Variants in PARVA observed in about 807,000 individuals in gnomAD.
The protein encoded by PARVA is parvin alpha, also known as alpha-parvin.
In PARVA, 25 loss-of-function variants were observed where a neutral mutation model predicts 52.6. The ratio of observed to expected loss-of-function variants is 0.48; its 90% CI spans 0.35 to 0.66. PARVA has a LOEUF of 0.66. Ranked by LOEUF, PARVA falls within the 30% of genes least tolerant of loss-of-function variation. The pLI is 0.01. For synonymous variants in PARVA, 185 were observed against 179.1 expected (o/e 1.03, Z -0.26); for missense variants, 373 against 450.9 (o/e 0.83, Z 1.56).
intron 1 of PARVA, among the ~76,000 whole-genome samples, chr11:12,415,233 G>A (rs751549945): frequency 7.8e-4 from 118 of 152,188 alleles, no homozygotes; most frequent in Non-Finnish European, 1.4e-3. Flanking sequence ...ACATTATGAG[G>A]CTCATGGGAG....
intron 1 of PARVA, among the ~76,000 whole-genome samples, chr11:12,444,411 T>C (rs1436878201): frequency 6.6e-6 from 1 of 152,166 alleles, no homozygotes; most frequent in African/African-American, 2.4e-5. Context: ...AATCCTTATG[T>C]ATAATACTCA....
intron 4 of PARVA, among the ~76,000 whole-genome samples, chr11:12,483,561 G>A (rs186530767): frequency 1.3e-5 from 2 of 152,162 alleles, no homozygotes; most frequent in Non-Finnish European, 2.9e-5. Context: ...AGGGTGACCT[G>A]TGCAGGAAAT....
intron 1 of PARVA, among the ~76,000 whole-genome samples, chr11:12,398,523 G>A (rs899057965): frequency 6.7e-6 from 1 of 149,482 alleles, no homozygotes; most frequent in Admixed American, 6.6e-5. Context: ...TGAGACACAG[G>A]GCATTTCTAC....
At position 12,533,013 on chromosome 11, in the gene PARVA, G is replaced by A. The variant is rs951162670; in HGVS notation, c.*5088G>A. On this transcript the variant is annotated 3_prime_UTR_variant, in exon 13 of 13. Transcript: ENST00000334956. ...TCATGTCATACCATGGTCCTGGCTG[G>A]GGAGCGGAGGAGACCAGGAGAGGAG... 6.6e-6 allele frequency among the ~76,000 whole-genome samples: 1 copy of A among 152,178 alleles called. No individual in the cohort carries two copies. Among genetic ancestry groups the A allele is most frequent in the Non-Finnish European group, 1.5e-5 (1 of 68,020 alleles).
chr11:12,456,184 G>A (rs755694115), intron 1 of PARVA, among the ~76,000 whole-genome samples: 9 of 152,204 alleles, frequency 5.9e-5, no homozygotes, highest in Non-Finnish European at 1.3e-4. Flanking sequence ...TTGTTGGCAT[G>A]TACTGAGAAA....
chr11:12,410,067 A>G (rs1589946911), intron 1 of PARVA, among the ~76,000 whole-genome samples: 1 of 152,172 alleles, frequency 6.6e-6, no homozygotes, highest in Non-Finnish European at 1.5e-5. Context: ...GGTGGCACAT[A>G]GTAGCCTCTC....
chr11:12,451,176 C>T (rs774001067), intron 1 of PARVA, among the ~76,000 whole-genome samples: 1 of 152,200 alleles, frequency 6.6e-6, no homozygotes, highest in Admixed American at 6.5e-5. Flanking sequence ...AAAACTGCCC[C>T]ATGAGAGGAT....
intron 1 of PARVA, among the ~76,000 whole-genome samples, chr11:12,416,863 G>A (rs1317829430): frequency 6.6e-6 from 1 of 152,036 alleles, no homozygotes; most frequent in Non-Finnish European, 1.5e-5. Flanking sequence ...ATCACAAGGT[G>A]GGTCGTTAAG....
At chr11:12,377,254 G>A (rs1456906635), upstream of PARVA, 1 of 418,198 alleles carries the variant, frequency 2.4e-6, no homozygotes, top group Non-Finnish European at 4.1e-6. Context: ...GAGTAGCAGG[G>A]TTGGGTTGGT....
chr11:12,525,441 G>T (rs12577744), intron 12 of PARVA, among the ~76,000 whole-genome samples: 18,540 of 152,090 alleles, frequency 0.12, 1,608 homozygotes, highest in African/African-American at 0.24. Context: ...CCTGTTGCAG[G>T]AGCTCCAGGC....
intron 1 of PARVA, among the ~76,000 whole-genome samples, chr11:12,446,749 A>G (rs1940553279): frequency 6.6e-6 from 1 of 152,230 alleles, no homozygotes; most frequent in South Asian, 2.1e-4. Flanking sequence ...TAAGGATCAG[A>G]TGAGTCTAAA....
At chr11:12,387,368 T>C (rs1939587427) in intron 1 of PARVA, among the ~76,000 whole-genome samples, 2 of 152,156 alleles carry the variant, frequency 1.3e-5, no homozygotes, top group Non-Finnish European at 2.9e-5. Flanking sequence ...TTGTGTGGTA[T>C]CTTTGGTGCC....
chr11:12,514,183 G>A, intron 10 of PARVA, 118 bp downstream of exon 10: 1 of 746,806 alleles, frequency 1.3e-6, no homozygotes. Context: ...GAGGGCATGG[G>A]AATCTGTCCT....
At chr11:12,422,673 C>A (rs1318836738) in intron 1 of PARVA, among the ~76,000 whole-genome samples, 1 of 152,224 alleles carries the variant, frequency 6.6e-6, no homozygotes, top group Non-Finnish European at 1.5e-5. Flanking sequence ...TAGTGTCCTT[C>A]TCTTTCCTGC....
At chr11:12,516,698 G>C (rs549351027) in intron 10 of PARVA, among the ~76,000 whole-genome samples, 1 of 152,334 alleles carries the variant, frequency 6.6e-6, no homozygotes, top group South Asian at 2.1e-4. Context: ...GACAGTAATA[G>C]CAACATTTAA....
At chr11:12,478,414 CT>C (rs1448116283) in intron 4 of PARVA, 1 of 265,220 alleles carries the variant, frequency 3.8e-6, no homozygotes, top group Non-Finnish European at 7.4e-6. Context: ...CACTTTGCAG[CT>C]GTTCATGTGA....
At chr11:12,400,712 A>G (rs1444244746) in intron 1 of PARVA, among the ~76,000 whole-genome samples, 2 of 150,854 alleles carry the variant, frequency 1.3e-5, no homozygotes, top group African/African-American at 2.5e-5. Flanking sequence ...TAAGTATTAC[A>G]TACCAGTTTG....
At chr11:12,379,147 C>T (rs1246916651) in intron 1 of PARVA, among the ~76,000 whole-genome samples, 1 of 152,166 alleles carries the variant, frequency 6.6e-6, no homozygotes, top group Non-Finnish European at 1.5e-5. Context: ...TCAGTGAGGA[C>T]GACCAGAGGT....
At chr11:12,518,922 G>A (rs1021308415) in intron 12 of PARVA, among the ~76,000 whole-genome samples, 11 of 152,306 alleles carry the variant, frequency 7.2e-5, no homozygotes, top group Admixed American at 2.0e-4. Context: ...TTACAGATGC[G>A]GAGCTCTGCC....
Sources: allele counts gnomAD v4.1 joint callset (sites outside exome capture counted in the v4.1 genomes callset), GRCh38; gene constraint gnomAD v4.1.1; transcripts MANE v1.5; gene names NCBI Gene and HGNC (gene_info 2026-07-23, HGNC 2026-07-21).